The following HPSE2 variants were observed in gnomAD, a reference collection of about 807,000 sequenced individuals.
HPSE2 encodes inactive heparanase-2.
In HPSE2, 38 loss-of-function variants were observed where a neutral mutation model predicts 60.5. The ratio of observed to expected loss-of-function variants is 0.63; its 90% confidence interval spans 0.48 to 0.82. The LOEUF (loss-of-function observed/expected upper bound fraction) is 0.82, where lower values mean the gene tolerates loss of function less well. Ranked by LOEUF, HPSE2 falls within the 40% of genes least tolerant of loss-of-function variation. The pLI, the probability that HPSE2 is intolerant of heterozygous loss-of-function variation, is 0.00. For synonymous variants in HPSE2, 295 were observed against 293.2 expected (o/e 1.01, Z -0.06); for missense variants, 713 against 740.4 (o/e 0.96, Z 0.43).
chr10:98,499,383 T>C (rs957410091), intron 9 of HPSE2, among the ~76,000 whole-genome samples: 9 of 152,272 alleles, frequency 5.9e-5, no homozygotes, highest in African/African-American at 1.9e-4. Flanking sequence ...CAGTCAAGAA[T>C]TTTGAATCCA....
intron 9 of HPSE2, among the ~76,000 whole-genome samples, chr10:98,591,461 G>A (rs968058087): frequency 1.2e-4 from 19 of 152,080 alleles, no homozygotes; most frequent in African/African-American, 4.6e-4. Flanking sequence ...CTAGGAGTTC[G>A]AGACCAGCCT....
chr10:98,791,856 T>C (rs955754739), intron 3 of HPSE2, among the ~76,000 whole-genome samples: 6 of 152,344 alleles, frequency 3.9e-5, no homozygotes, highest in East Asian at 1.9e-4. Flanking sequence ...ACTCATTTTA[T>C]TGAATTCCTT....
chr10:98,719,952 G>A (rs1209571985), intron 5 of HPSE2, among the ~76,000 whole-genome samples: 2 of 151,956 alleles, frequency 1.3e-5, no homozygotes, highest in African/African-American at 4.8e-5. Flanking sequence ...AGTGAGCCGA[G>A]ATCATGCCAC....
intron 3 of HPSE2, among the ~76,000 whole-genome samples, chr10:98,940,013 A>G (rs1954940674): frequency 1.4e-5 from 2 of 143,912 alleles, no homozygotes; most frequent in Admixed American, 6.9e-5. Flanking sequence ...AGGCAGAAAT[A>G]AAGATGTCCT....
chr10:99,024,426 A>G (rs912982664), intron 3 of HPSE2, among the ~76,000 whole-genome samples: 2 of 152,160 alleles, frequency 1.3e-5, no homozygotes, highest in South Asian at 4.1e-4. Flanking sequence ...ATAAAATAAA[A>G]TATAGCCTCA....
chr10:98,775,051 T>TG (rs1357919280), intron 3 of HPSE2, among the ~76,000 whole-genome samples: 1 of 152,224 alleles, frequency 6.6e-6, no homozygotes, highest in Non-Finnish European at 1.5e-5. Context: ...AACTGAGTCC[T>TG]GGCTCTTTTC....
At chr10:98,732,497 T>C (rs1438114450) in intron 4 of HPSE2, among the ~76,000 whole-genome samples, 1 of 152,142 alleles carries the variant, frequency 6.6e-6, no homozygotes, top group African/African-American at 2.4e-5. Context: ...TCAATTGATT[T>C]TTTTTTTACA....
intron 9 of HPSE2, among the ~76,000 whole-genome samples, chr10:98,565,099 G>A (rs614927): frequency 0.85 from 128,665 of 151,426 alleles, 55,970 homozygotes; most frequent in East Asian, 1. Context: ...TTTTTTGTCA[G>A]TTTGTGGAAT....
At chr10:98,547,061 T>C (rs1278576600) in intron 9 of HPSE2, among the ~76,000 whole-genome samples, 7 of 142,474 alleles carry the variant, frequency 4.9e-5, no homozygotes, top group South Asian at 4.6e-4. Context: ...AAAATGCTCA[T>C]CATCACTGGC....
At chr10:98,802,077 T>C (rs1160909218) in intron 3 of HPSE2, among the ~76,000 whole-genome samples, 2 of 152,012 alleles carry the variant, frequency 1.3e-5, no homozygotes, top group Non-Finnish European at 1.5e-5. Flanking sequence ...CAAGAACATG[T>C]TGGAGAAAAG....
chr10:99,124,932 C>A (rs1589695116), intron 3 of HPSE2, among the ~76,000 whole-genome samples: 1 of 152,340 alleles, frequency 6.6e-6, no homozygotes, highest in East Asian at 1.9e-4. Flanking sequence ...TCACAGCAGC[C>A]ACTCCATATG....
Position 98,925,857 on chromosome 10 carries a change from T to A in HPSE2, c.611-181801A>T, listed in dbSNP as rs181237275. 1.6e-3 allele frequency among the ~76,000 whole-genome samples: 241 copies of A among 152,264 alleles called. 3 individuals carry two copies. Among genetic ancestry groups the A allele is most frequent in the Admixed American group, 2.9e-3 (45 of 15,282 alleles). ...TTGTATTCATTGAGATTTCCAGGTTTCCAGCTTCTTCAGCGCCAAGTTTGG... is the reference window on the plus strand; with the variant it reads ...TTGTATTCATTGAGATTTCCAGGTTACCAGCTTCTTCAGCGCCAAGTTTGG... On this transcript the variant is annotated intron_variant, in intron 3 of 11. Coordinates refer to ENST00000370552, the MANE Select transcript of HPSE2 (RefSeq NM_021828.5).
chr10:98,699,758 A>G (rs1948348018), intron 5 of HPSE2, among the ~76,000 whole-genome samples: 1 of 127,920 alleles, frequency 7.8e-6, no homozygotes, highest in African/African-American at 2.7e-5. Flanking sequence ...GTCTCAGCCC[A>G]AAATCTCCTT....
chr10:99,306,627 C>T, the HPSE2 span, among the ~76,000 whole-genome samples: 2 of 152,170 alleles, frequency 1.3e-5, no homozygotes, highest in East Asian at 3.8e-4. Flanking sequence ...CACAGGGCAA[C>T]CATAAGACAA....
chr10:98,924,975 G>A (rs1311425991), intron 3 of HPSE2, among the ~76,000 whole-genome samples: 1 of 152,172 alleles, frequency 6.6e-6, no homozygotes, highest in Non-Finnish European at 1.5e-5. Context: ...GCTCAATACA[G>A]CTTTATTCTC....
At chr10:98,628,215 AG>A (rs1363944793) in intron 7 of HPSE2, among the ~76,000 whole-genome samples, 22 of 152,250 alleles carry the variant, frequency 1.4e-4, no homozygotes, top group African/African-American at 5.1e-4. Context: ...AGCAGAGAAG[AG>A]CATGATGGTG....
chr10:98,998,559 C>T (rs1023714827), intron 3 of HPSE2, among the ~76,000 whole-genome samples: 2 of 152,180 alleles, frequency 1.3e-5, no homozygotes, highest in African/African-American at 2.4e-5. Flanking sequence ...CGTAGGTTCT[C>T]CTTCATTTAG....
At chr10:98,808,693 A>T (rs972897549) in intron 3 of HPSE2, among the ~76,000 whole-genome samples, 4 of 152,156 alleles carry the variant, frequency 2.6e-5, no homozygotes, top group Non-Finnish European at 5.9e-5. Context: ...AATCACACCA[A>T]CAAAATCTGA....
intron 2 of HPSE2, among the ~76,000 whole-genome samples, chr10:99,177,825 T>A (rs1250380849): frequency 6.6e-6 from 1 of 152,164 alleles, no homozygotes; most frequent in East Asian, 1.9e-4. Flanking sequence ...TACATTCTTC[T>A]CAGCACCACA....
Sources: gnomAD v4.1 joint callset for allele counts (sites outside exome capture counted in the v4.1 genomes callset) on GRCh38, gnomAD v4.1.1 for gene constraint, MANE v1.5 for transcripts, NCBI Gene and HGNC (gene_info 2026-07-23, HGNC 2026-07-21) for gene names.